GREB1L: variants seen among roughly 807,000 people sequenced by gnomAD.
GREB1L encodes the protein GREB1-like protein.
A neutral mutation model predicts 200.8 loss-of-function variants in GREB1L; 17 were observed. That is an observed-to-expected ratio of 0.08 (90% CI 0.06 to 0.13). GREB1L has a LOEUF of 0.13. GREB1L is among the 10% of genes least tolerant of loss of function. GREB1L has a pLI of 1.00. For missense variants in GREB1L, 1,657 were observed against 2,367.7 expected, an observed-to-expected ratio of 0.70 and a Z score of 6.23; for synonymous variants, 789 against 893.0, an observed-to-expected ratio of 0.88 and a Z score of 2.08.
At chr18:21,509,480 A>G (rs1162726021) in intron 27 of GREB1L, among the ~76,000 whole-genome samples, 1 of 151,986 alleles carries the variant, frequency 6.6e-6, no homozygotes, top group Non-Finnish European at 1.5e-5. Context: ...CTGTCTCCCA[A>G]CCTAGCCTCT....
chr18:21,471,534 C>A (rs1177130093), intron 15 of GREB1L, among the ~76,000 whole-genome samples: 1 of 152,154 alleles, frequency 6.6e-6, no homozygotes, highest in Non-Finnish European at 1.5e-5. Flanking sequence ...TATCCCCAGA[C>A]CTAGCACAGT....
chr18:21,485,164 T>A (rs558214518), intron 17 of GREB1L, among the ~76,000 whole-genome samples: 2 of 152,218 alleles, frequency 1.3e-5, no homozygotes, highest in Non-Finnish European at 1.5e-5. Context: ...AAAATTTGTT[T>A]GCAAAGATAA....
intron 7 of GREB1L, among the ~76,000 whole-genome samples, chr18:21,427,881 A>G (rs2032737039): frequency 6.6e-6 from 1 of 152,170 alleles, no homozygotes; most frequent in African/African-American, 2.4e-5. Flanking sequence ...TACATGTTAA[A>G]TAGAAGCGGC....
chr18:21,416,926 C>G (rs1042720791), intron 7 of GREB1L, among the ~76,000 whole-genome samples: 1 of 151,592 alleles, frequency 6.6e-6, no homozygotes, highest in Non-Finnish European at 1.5e-5. Flanking sequence ...ACTTGGGAGG[C>G]TGAGGCAGGA....
chr18:21,473,165 A>T lies in GREB1L; in HGVS notation c.2317A>T (p.Thr773Ser). ...FMRRVKQNPY[T>S]LFVLVHDNSH... ...GAGGAGAGTGAAACAGAACCCGTAC[A>T]CACTGTTTGTGCTAGTTCATGACAA... Residue 773 changes from threonine (T) to serine (S), a missense_variant, in exon 16 of 33, where the codon ACA becomes TCA. Thr to Ser is a moderately conservative substitution (Grantham distance 58). Coordinates refer to ENST00000424526, the MANE Select transcript of GREB1L (RefSeq NM_001142966.3). 1 of 1,548,596 alleles carries T rather than the reference A, an allele frequency of 6.5e-7. No individual in the cohort carries two copies. Among genetic ancestry groups the T allele is most frequent in the Non-Finnish European group, 8.7e-7 (1 of 1,145,398 alleles).
In GREB1L at chr18:21,490,303, C is replaced by T; in HGVS notation, c.2982C>T (p.Asn994=). Reference sequence around the variant, plus strand: ...ATCGGTTTGAGATCATCCTTGGGAACCCGGCCACCGAACTCAGTGTTGCAA... The same window carrying T: ...ATCGGTTTGAGATCATCCTTGGGAATCCGGCCACCGAACTCAGTGTTGCAA... ...LQYRFEIILG[N]PATELSVATH... The change falls in exon 19 of 33, where the codon AAC becomes AAT. Residue 994 remains asparagine, a synonymous_variant. Coordinates refer to ENST00000424526, the MANE Select transcript of GREB1L (RefSeq NM_001142966.3). The T allele has an allele frequency of 6.4e-6, 10 of 1,551,848 alleles. No homozygotes were observed. The highest frequency in any genetic ancestry group is 4.8e-5 in the South Asian group (4 of 84,060).
chr18:21,343,730 A>ATTTTTT (rs36120644), intron 1 of GREB1L, among the ~76,000 whole-genome samples: 5 of 114,950 alleles, frequency 4.3e-5, no homozygotes, highest in Admixed American at 9.1e-5. Context: ...GAGAAGAGAG[A>ATTTTTT]TTTTTTTTTT....
At chr18:21,343,503 G>T (rs2039297463) in intron 1 of GREB1L, among the ~76,000 whole-genome samples, 1 of 152,084 alleles carries the variant, frequency 6.6e-6, no homozygotes, top group African/African-American at 2.4e-5. Flanking sequence ...TGGAATCTTT[G>T]GATTATACAA....
chr18:21,272,331 G>T (rs759367303), intron 1 of GREB1L, among the ~76,000 whole-genome samples: 2 of 152,196 alleles, frequency 1.3e-5, no homozygotes, highest in African/African-American at 2.4e-5. Context: ...CATCAGCCAC[G>T]TTCCATTGTC....
chr18:21,352,229 T>C (rs1312901196), intron 1 of GREB1L, among the ~76,000 whole-genome samples: 3 of 152,166 alleles, frequency 2.0e-5, no homozygotes, highest in African/African-American at 7.2e-5. Context: ...AAACAAGTTA[T>C]ATTTGTAGTC....
chr18:21,492,035 T>C (rs1193664283), intron 19 of GREB1L, among the ~76,000 whole-genome samples: 1 of 151,836 alleles, frequency 6.6e-6, no homozygotes, highest in Non-Finnish European at 1.5e-5. Flanking sequence ...TTGAGACCAT[T>C]TGAATATTGC....
chr18:21,355,663 A>G (rs1467154248), intron 1 of GREB1L, among the ~76,000 whole-genome samples: 1 of 152,196 alleles, frequency 6.6e-6, no homozygotes, highest in Non-Finnish European at 1.5e-5. Context: ...AAGCAATGAG[A>G]TGAAATCCAG....
intron 7 of GREB1L, among the ~76,000 whole-genome samples, chr18:21,427,976 G>A (rs952660425): frequency 6.6e-6 from 1 of 151,140 alleles, no homozygotes; most frequent in African/African-American, 2.4e-5. Flanking sequence ...GGATCATGAG[G>A]TCAGGAGATC....
At chr18:21,301,086 C>G (rs571715017) in intron 1 of GREB1L, among the ~76,000 whole-genome samples, 2 of 152,186 alleles carry the variant, frequency 1.3e-5, no homozygotes, top group Admixed American at 1.3e-4. Context: ...TGTTTGATAT[C>G]TGGCAGGATG....
rs561980459 is a variant in GREB1L at position 21,274,356 on chromosome 18, C to T, written c.-120+31963C>T. On this transcript the variant is annotated intron_variant, in intron 1 of 32. Transcript: ENST00000424526. Reference sequence around the variant, plus strand: ...TGAATTTTGGAGTGACACAAACATTCAGATCATAGCAAATACCAAGTATAT... The same window carrying T: ...TGAATTTTGGAGTGACACAAACATTTAGATCATAGCAAATACCAAGTATAT... 5.9e-5 allele frequency among the ~76,000 whole-genome samples: 9 copies of T among 152,200 alleles called. 1 individual carries two copies. In the East Asian group the frequency reaches 1.7e-3, roughly 29 times the overall value.
intron 27 of GREB1L, among the ~76,000 whole-genome samples, chr18:21,511,069 C>T (rs1301384617): frequency 6.6e-6 from 1 of 152,110 alleles, no homozygotes; most frequent in Non-Finnish European, 1.5e-5. Flanking sequence ...TTATCAGATA[C>T]ACTCTTGGTA....
chr18:21,327,370 C>T (rs2039038137), intron 1 of GREB1L, among the ~76,000 whole-genome samples: 1 of 152,144 alleles, frequency 6.6e-6, no homozygotes, highest in Admixed American at 6.5e-5. Flanking sequence ...CCTGTTGGGT[C>T]ACTAAACCCT....
intron 1 of GREB1L, among the ~76,000 whole-genome samples, chr18:21,309,145 G>A (rs2038750844): frequency 6.6e-6 from 1 of 152,182 alleles, no homozygotes; most frequent in Non-Finnish European, 1.5e-5. Flanking sequence ...TAAATAGACT[G>A]GGACATTGTC....
At chr18:21,478,639 T>C (rs1598902808) in intron 17 of GREB1L, among the ~76,000 whole-genome samples, 1 of 152,222 alleles carries the variant, frequency 6.6e-6, no homozygotes, top group African/African-American at 2.4e-5. Flanking sequence ...CACTGCCTTA[T>C]GAGAACTAAC....
Sources: gnomAD v4.1 joint callset for allele counts (sites outside exome capture counted in the v4.1 genomes callset) on GRCh38, gnomAD v4.1.1 for gene constraint, MANE v1.5 for transcripts, NCBI Gene and HGNC (gene_info 2026-07-23, HGNC 2026-07-21) for gene names.